Variants in DPP6 observed in about 807,000 individuals in gnomAD.
DPP6 encodes dipeptidyl peptidase like 6.
DPP6 carries 69 observed loss-of-function variants against 122.6 expected under a neutral mutation model. The observed-to-expected ratio is 0.56, with a 90% CI of 0.46 to 0.69. DPP6 has a LOEUF of 0.69. Ranked by LOEUF, DPP6 falls within the 30% of genes least tolerant of loss-of-function variation. The pLI is 0.00. For missense variants in DPP6, 928 were observed against 1,116.9 expected, an observed-to-expected ratio of 0.83 and a Z score of 2.41; for synonymous variants, 418 against 433.1, an observed-to-expected ratio of 0.97 and a Z score of 0.43.
intron 1 of DPP6, among the ~76,000 whole-genome samples, chr7:154,136,209 T>A (rs2150647796): frequency 6.6e-6 from 1 of 152,264 alleles, no homozygotes; most frequent in African/African-American, 2.4e-5. Flanking sequence ...GGCACTTACA[T>A]AGAAGGATTG....
intron 1 of DPP6, among the ~76,000 whole-genome samples, chr7:154,171,542 A>G (rs530612278): frequency 6.6e-6 from 1 of 152,264 alleles, no homozygotes; most frequent in African/African-American, 2.4e-5. Context: ...CTTGAGTTTC[A>G]AGAACTTGTC....
intron 5 of DPP6, among the ~76,000 whole-genome samples, chr7:154,635,495 G>T (rs56329532): frequency 0.017 from 2,604 of 152,332 alleles, 31 homozygotes; most frequent in Middle Eastern, 0.041. Flanking sequence ...CAGAAGAAAC[G>T]TATCTAAATC....
intron 7 of DPP6, among the ~76,000 whole-genome samples, chr7:154,680,320 C>G (rs1184184658): frequency 6.6e-6 from 1 of 152,080 alleles, no homozygotes; most frequent in Non-Finnish European, 1.5e-5. Flanking sequence ...TCACAGAAAT[C>G]CCTCTAAAAA....
At chr7:154,304,102 C>A (rs1806093300) in intron 1 of DPP6, among the ~76,000 whole-genome samples, 1 of 152,194 alleles carries the variant, frequency 6.6e-6, no homozygotes, top group South Asian at 2.1e-4. Flanking sequence ...ATTGAGAGTT[C>A]CCCGTATATA....
chr7:153,968,337 T>C, intron 1 of DPP6, among the ~76,000 whole-genome samples: 1 of 152,166 alleles, frequency 6.6e-6, no homozygotes, highest in Non-Finnish European at 1.5e-5. Flanking sequence ...ATATGTTTGT[T>C]GGCTGCTTGT....
At chr7:154,767,024 G>A (rs1563187422) in intron 8 of DPP6, among the ~76,000 whole-genome samples, 1 of 152,186 alleles carries the variant, frequency 6.6e-6, no homozygotes, top group Non-Finnish European at 1.5e-5. Flanking sequence ...ATTGCTTTGG[G>A]TTCAAAGGAA....
chr7:154,533,878 G>A (rs1026899209), intron 3 of DPP6, among the ~76,000 whole-genome samples: 3 of 151,904 alleles, frequency 2.0e-5, no homozygotes, highest in African/African-American at 7.3e-5. Context: ...TGTGCCTGTG[G>A]TCCCAGCTAC....
At chr7:154,206,649 C>T (rs1317073757) in intron 1 of DPP6, among the ~76,000 whole-genome samples, 2 of 152,300 alleles carry the variant, frequency 1.3e-5, no homozygotes, top group Admixed American at 6.5e-5. Flanking sequence ...TTTCTCAATG[C>T]ATTCTCTTTT....
chr7:154,384,355 G>C (rs1439700549), intron 1 of DPP6, among the ~76,000 whole-genome samples: 1 of 152,214 alleles, frequency 6.6e-6, no homozygotes, highest in African/African-American at 2.4e-5. Context: ...GGAGAAGGAG[G>C]TCACTGGGAT....
At chr7:154,498,309 A>G (rs867406717) in intron 3 of DPP6, among the ~76,000 whole-genome samples, 10 of 152,220 alleles carry the variant, frequency 6.6e-5, no homozygotes, top group East Asian at 1.9e-4. Flanking sequence ...CTCACATACA[A>G]GCAATCAGAG....
chr7:154,679,263 C>T (rs542737806), intron 7 of DPP6, among the ~76,000 whole-genome samples: 1 of 152,298 alleles, frequency 6.6e-6, no homozygotes, highest in African/African-American at 2.4e-5. Context: ...CTCCTGAAGT[C>T]GTCAGCCCCT....
At chr7:153,919,090 A>C (rs1321051099) in intron 1 of DPP6, among the ~76,000 whole-genome samples, 1 of 152,088 alleles carries the variant, frequency 6.6e-6, no homozygotes, top group Non-Finnish European at 1.5e-5. Context: ...CATTCAAAAC[A>C]GTTGAATGCA....
chr7:154,105,249 G>A (rs1806071937), intron 1 of DPP6, among the ~76,000 whole-genome samples: 1 of 152,246 alleles, frequency 6.6e-6, no homozygotes, highest in African/African-American at 2.4e-5. Flanking sequence ...CGGGCCTGAG[G>A]TGATGCTGTG....
chr7:154,061,018 A>C (rs66969286), intron 1 of DPP6, among the ~76,000 whole-genome samples: 15,635 of 110,088 alleles, frequency 0.14, 89 homozygotes, highest in East Asian at 0.23. Flanking sequence ...AGAGAGTTCA[A>C]ATCTTCTGAC....
chr7:154,253,671 C>T (rs987240547), intron 1 of DPP6, among the ~76,000 whole-genome samples: 11 of 152,100 alleles, frequency 7.2e-5, no homozygotes, highest in Non-Finnish European at 1.3e-4. Context: ...TTGATGATGA[C>T]AATGATGATA....
chr7:154,049,495 C>T (rs1323825124), upstream of DPP6, among the ~76,000 whole-genome samples: 1 of 126,458 alleles, frequency 7.9e-6, no homozygotes, highest in Non-Finnish European at 1.8e-5. Flanking sequence ...CTCACACCCT[C>T]GACTGCAATG....
chr7:154,210,512 ATACC>A (rs1013639622), intron 1 of DPP6, among the ~76,000 whole-genome samples: 2 of 152,202 alleles, frequency 1.3e-5, no homozygotes, highest in Non-Finnish European at 2.9e-5. Context: ...TCTATGATTA[ATACC>A]TAGGAAAAAC....
chr7:154,164,582 A>G (rs1343058992), intron 1 of DPP6, among the ~76,000 whole-genome samples: 3 of 152,168 alleles, frequency 2.0e-5, no homozygotes, highest in Non-Finnish European at 4.4e-5. Context: ...GAATATTTTC[A>G]TCATCCAAAA....
At chr7:154,716,124 ACCT>A (rs927855535) in intron 7 of DPP6, among the ~76,000 whole-genome samples, 14 of 151,802 alleles carry the variant, frequency 9.2e-5, no homozygotes, top group Admixed American at 6.6e-4. Flanking sequence ...AGGCCTCCCC[ACCT>A]CCAGACTTCT....
Sources: allele counts gnomAD v4.1 joint callset (sites outside exome capture counted in the v4.1 genomes callset), GRCh38; gene constraint gnomAD v4.1.1; transcripts MANE v1.5; gene names NCBI Gene and HGNC (gene_info 2026-07-23, HGNC 2026-07-21).